MBTD1: variants seen among roughly 807,000 people sequenced by gnomAD.
MBTD1 encodes mbt domain containing 1.
Under a neutral mutation model 87.8 loss-of-function variants are expected in MBTD1, and 24 were observed. That is an observed-to-expected ratio of 0.27 (90% CI 0.20 to 0.38). The LOEUF is 0.38. Ranked by LOEUF, MBTD1 falls within the 10% of genes least tolerant of loss-of-function variation. The probability of loss-of-function intolerance (pLI) is 1.00; values close to 1 mark genes in which losing one functional copy is unlikely to be tolerated. For missense variants in MBTD1, 436 were observed against 760.2 expected, an observed-to-expected ratio of 0.57 and a Z score of 5.02; for synonymous variants, 237 against 248.6, an observed-to-expected ratio of 0.95 and a Z score of 0.44.
At position 51,180,354 on chromosome 17, in the gene MBTD1, T is replaced by C. The variant is rs1321177193; in HGVS notation, c.*222A>G. The stretch of plus-strand genomic sequence containing the variant: ...ATATTACAAAATTCTTTCAAAAGCT[T>C]CAAATACAACACAAAAATTGTCCAT... On this transcript the variant is annotated 3_prime_UTR_variant, in exon 17 of 17. Transcript: ENST00000586178. The C allele has an allele frequency of 4.7e-6, 2 of 424,696 alleles. No homozygotes were observed. The highest frequency in any genetic ancestry group is 8.3e-6 in the Non-Finnish European group (2 of 241,794). The allele number at this position is 424,696 out of a possible 1,614,324, so 26.3% of individuals were successfully genotyped here.
intron 6 of MBTD1, among the ~76,000 whole-genome samples, chr17:51,215,927 ATTTTTTTTTT>A (rs35988235): frequency 8.8e-6 from 1 of 114,210 alleles, no homozygotes; most frequent in South Asian, 2.7e-4. Flanking sequence ...TAAAGCCCTA[ATTTTTTTTTT>A]TTTTTTTTTT....
chr17:51,212,027 GT>G (rs2052255535), intron 6 of MBTD1, among the ~76,000 whole-genome samples: 1 of 152,164 alleles, frequency 6.6e-6, no homozygotes, highest in Non-Finnish European at 1.5e-5. Flanking sequence ...ATTAGAGTAT[GT>G]CACGTAAGTA....
chr17:51,192,304 G>A (rs755052345), intron 15 of MBTD1, 24 bp from the exon 16 acceptor site: 29 of 1,476,988 alleles, frequency 2.0e-5, no homozygotes. Context: ...AGGGAAAATT[G>A]GTACTAGATA....
chr17:51,177,656 A>T lies in MBTD1; in HGVS notation c.*2920T>A, dbSNP rs571920860. On this transcript the variant is annotated 3_prime_UTR_variant, in exon 17 of 17. Coordinates refer to ENST00000586178, the MANE Select transcript of MBTD1 (RefSeq NM_017643.3). The stretch of plus-strand genomic sequence containing the variant: ...ATGATCACGAGTTACCAAGAAAATA[A>T]AAGATTAAATTTGTACAGATATTGA... 12 of 152,308 alleles carry T rather than the reference A, an allele frequency of 7.9e-5. No individual in the cohort carries two copies. Among genetic ancestry groups the T allele is most frequent in the African/African-American group, 2.9e-4 (12 of 41,566 alleles). The allele number at this position is 152,308 out of a possible 1,614,324, so 9.4% of individuals were successfully genotyped here.
At chr17:51,208,057 C>G (rs974553023) in intron 6 of MBTD1, among the ~76,000 whole-genome samples, 8 of 152,188 alleles carry the variant, frequency 5.3e-5, no homozygotes, top group Non-Finnish European at 1.0e-4. Flanking sequence ...CATGAACTAG[C>G]CAATTTGAAC....
chr17:51,192,741 TG>T (rs1208553142), intron 15 of MBTD1, 40 bp downstream of exon 15: 1 of 1,608,206 alleles, frequency 6.2e-7, no homozygotes, highest in South Asian at 1.1e-5. Flanking sequence ...GGAGAATTGC[TG>T]ATTTTTACAA....
At chr17:51,257,664 A>G (rs1041754282) in intron 2 of MBTD1, among the ~76,000 whole-genome samples, 1 of 152,224 alleles carries the variant, frequency 6.6e-6, no homozygotes, top group Non-Finnish European at 1.5e-5. Flanking sequence ...AGATGTCTCC[A>G]AAGTCAGTCA....
intron 7 of MBTD1, 73 bp from the exon 8 acceptor site, chr17:51,203,998 G>T: frequency 8.3e-7 from 1 of 1,201,236 alleles, no homozygotes; most frequent in Non-Finnish European, 1.2e-6. Flanking sequence ...TCTGATAGCA[G>T]TTGTCAAACT....
chr17:51,215,078 C>A (rs1220251020), intron 6 of MBTD1, among the ~76,000 whole-genome samples: 1 of 152,150 alleles, frequency 6.6e-6, no homozygotes, highest in Non-Finnish European at 1.5e-5. Context: ...CAAGGAATTA[C>A]TAAGACAGAT....
intron 16 of MBTD1, chr17:51,184,829 T>C (rs989427003): frequency 3.3e-5 from 5 of 152,096 alleles, no homozygotes; most frequent in Non-Finnish European, 5.9e-5. Flanking sequence ...GAAAAAAACT[T>C]AGACAAGAAA....
At chr17:51,249,029 C>T (rs1274054558) in intron 2 of MBTD1, among the ~76,000 whole-genome samples, 2 of 151,714 alleles carry the variant, frequency 1.3e-5, no homozygotes, top group African/African-American at 4.8e-5. Flanking sequence ...GGCAGGAAGA[C>T]TGCTTGAGCC....
intron 2 of MBTD1, among the ~76,000 whole-genome samples, chr17:51,255,318 T>C (rs1046791433): frequency 2.6e-5 from 4 of 152,064 alleles, no homozygotes; most frequent in Non-Finnish European, 5.9e-5. Flanking sequence ...TTCAACAGCT[T>C]ATTCAGTATC....
intron 2 of MBTD1, chr17:51,256,402 C>T (rs185742760): frequency 4.6e-5 from 7 of 152,290 alleles, no homozygotes; most frequent in Admixed American, 1.3e-4. Flanking sequence ...AGTGAGAACT[C>T]GAAGGGACCT....
At chr17:51,228,851 T>C (rs1477810031) in intron 2 of MBTD1, among the ~76,000 whole-genome samples, 1 of 124,112 alleles carries the variant, frequency 8.1e-6, no homozygotes, top group East Asian at 2.7e-4. Flanking sequence ...TGAGCTGAGA[T>C]GGCGCCACTG....
chr17:51,206,795 G>T (rs2051868885), intron 7 of MBTD1, 93 bp downstream of exon 7: 2 of 813,026 alleles, frequency 2.5e-6, no homozygotes, highest in Non-Finnish European at 4.0e-6. Flanking sequence ...TTTTTTATTT[G>T]GCAATACTTG....
chr17:51,234,207 A>G (rs2053695693), intron 2 of MBTD1, among the ~76,000 whole-genome samples: 1 of 151,962 alleles, frequency 6.6e-6, no homozygotes, highest in Non-Finnish European at 1.5e-5. Context: ...AACCTGGCCA[A>G]TGTAGCAAAA....
upstream of MBTD1, chr17:51,260,059 CT>C: frequency 2.5e-6 from 1 of 398,974 alleles, no homozygotes; most frequent in Non-Finnish European, 4.4e-6. Context: ...TAGCATAGCC[CT>C]CCCTCCCCAG....
Position 51,179,077 on chromosome 17 carries a change from C to T in MBTD1, c.*1499G>A, listed in dbSNP as rs1010257359. ...CAAAAGTCTTACCTAAAATGGTCTCCTGGGGCTTTCCATTAACATTTTTTA... is the reference window on the plus strand; with the variant it reads ...CAAAAGTCTTACCTAAAATGGTCTCTTGGGGCTTTCCATTAACATTTTTTA... On this transcript the variant is annotated 3_prime_UTR_variant, in exon 17 of 17. Coordinates refer to ENST00000586178, the MANE Select transcript of MBTD1 (RefSeq NM_017643.3). The T allele has an allele frequency of 6.6e-6, 1 of 151,948 alleles. No homozygotes were observed. Among genetic ancestry groups the T allele is most frequent in the Non-Finnish European group, 1.5e-5 (1 of 67,974 alleles). 9.4% of individuals were successfully genotyped at this position (151,948 alleles called of 1,614,324 possible).
chr17:51,180,708 A>C lies in MBTD1; in HGVS notation c.1769-14T>G. The C allele has an allele frequency of 7.1e-7, 1 of 1,403,092 alleles. No individual in the cohort carries two copies. The highest frequency in any genetic ancestry group is 9.9e-7 in the Non-Finnish European group (1 of 1,011,714). The allele number at this position is 1,403,092 out of a possible 1,614,324, so 86.9% of individuals were successfully genotyped here. A position where few individuals can be genotyped will look rare whatever the true frequency, so the allele number is the denominator to read the frequency against. On this transcript the variant is annotated splice_polypyrimidine_tract_variant and intron_variant, in intron 16 of 16. Coordinates refer to ENST00000586178, the MANE Select transcript of MBTD1 (RefSeq NM_017643.3). The stretch of plus-strand genomic sequence containing the variant: ...GCAGTGTTGTCACTGAATGAAAGAG[A>C]GAGAAACATATGGGCATTAAGGCTC...
Sources: allele counts gnomAD v4.1 joint callset (sites outside exome capture counted in the v4.1 genomes callset), GRCh38; gene constraint gnomAD v4.1.1; transcripts MANE v1.5; gene names NCBI Gene and HGNC (gene_info 2026-07-23, HGNC 2026-07-21).